RARB: variants seen among roughly 807,000 people sequenced by gnomAD.
RARB encodes retinoic acid receptor beta.
A neutral mutation model predicts 51.9 loss-of-function variants in RARB; 17 were observed. That is an observed-to-expected ratio of 0.33 (90% CI 0.22 to 0.49). The LOEUF (loss-of-function observed/expected upper bound fraction) is 0.49, where lower values mean the gene tolerates loss of function less well. Among genes scored for constraint, RARB ranks in the 20% least tolerant of loss-of-function variants. The pLI is 0.99. For synonymous variants in RARB, 215 were observed against 195.4 expected (o/e 1.10, Z -0.84); for missense variants, 369 against 550.8 (o/e 0.67, Z 3.30).
chr3:25,037,676 A>G (rs1229374872), intron 2 of RARB, among the ~76,000 whole-genome samples: 2 of 152,076 alleles, frequency 1.3e-5, no homozygotes, highest in Non-Finnish European at 2.9e-5. Context: ...AGGGAGAGAA[A>G]GCAAGCTGAA....
intron 5 of RARB, among the ~76,000 whole-genome samples, chr3:25,339,489 G>T (rs1378833038): frequency 2.6e-5 from 4 of 152,010 alleles, no homozygotes; most frequent in Non-Finnish European, 5.9e-5. Flanking sequence ...TGGCTGCGCG[G>T]GAGTCTCTGA....
At chr3:25,545,087 A>G (rs949886412) in intron 3 of RARB, among the ~76,000 whole-genome samples, 1 of 151,926 alleles carries the variant, frequency 6.6e-6, no homozygotes, top group Non-Finnish European at 1.5e-5. Flanking sequence ...TCAGCCTCCA[A>G]AGTAGCCACC....
intron 5 of RARB, among the ~76,000 whole-genome samples, chr3:25,205,202 A>G (rs770145284): frequency 3.3e-5 from 5 of 152,122 alleles, no homozygotes; most frequent in Non-Finnish European, 5.9e-5. Context: ...GCGAGGCTCC[A>G]TGGGCGTAGG....
At chr3:25,245,984 A>G (rs111668399) in intron 5 of RARB, among the ~76,000 whole-genome samples, 1 of 151,834 alleles carries the variant, frequency 6.6e-6, no homozygotes, top group African/African-American at 2.4e-5. Context: ...TCTTTTCACA[A>G]AGTCCTATAT....
chr3:25,242,461 C>G (rs1432625754), intron 5 of RARB, among the ~76,000 whole-genome samples: 2 of 152,122 alleles, frequency 1.3e-5, no homozygotes, highest in Non-Finnish European at 2.9e-5. Flanking sequence ...AATCTTTAAT[C>G]CATCTTGAGT....
At chr3:24,956,742 G>T (rs1293361782) in intron 2 of RARB, among the ~76,000 whole-genome samples, 2 of 152,210 alleles carry the variant, frequency 1.3e-5, no homozygotes, top group African/African-American at 4.8e-5. Flanking sequence ...TGTAGTGACT[G>T]ATCATGGTCA....
intron 5 of RARB, among the ~76,000 whole-genome samples, chr3:25,242,861 T>C (rs1048260202): frequency 6.6e-6 from 1 of 152,248 alleles, no homozygotes; most frequent in Non-Finnish European, 1.5e-5. Context: ...AATGGTACTT[T>C]GATGAGAATA....
intron 5 of RARB, among the ~76,000 whole-genome samples, chr3:25,205,613 G>A (rs562250880): frequency 6.6e-6 from 1 of 152,222 alleles, no homozygotes; most frequent in South Asian, 2.1e-4. Flanking sequence ...TGCTTGAGGT[G>A]ATGGACTCCC....
chr3:25,331,063 C>T (rs901835068), intron 5 of RARB, among the ~76,000 whole-genome samples: 1 of 152,132 alleles, frequency 6.6e-6, no homozygotes, highest in African/African-American at 2.4e-5. Flanking sequence ...TAGACCCCCA[C>T]ACAACAATAA....
chr3:25,017,912 A>G (rs549290923), intron 2 of RARB, among the ~76,000 whole-genome samples: 5 of 152,270 alleles, frequency 3.3e-5, no homozygotes, highest in East Asian at 1.9e-4. Flanking sequence ...ACCCTTGTGA[A>G]TAGGATTTGT....
rs557951466 is a variant in RARB at position 25,255,178 on chromosome 3, T to TC, written c.178+80608dup. On this transcript the variant is annotated intron_variant, in intron 5 of 11. Coordinates refer to the RARB transcript ENST00000383772. ...TCTACTTAGTTCTCTCATGCAGTCT[T>TC]CCCCCACCTTCACAGACACAGTAGT... Among the ~76,000 whole-genome samples the TC allele has an allele frequency of 5.3e-5, 8 of 152,214 alleles. No individual in the cohort carries two copies. The East Asian group carries it at 1.5e-3, about 29-fold the overall frequency.
At chr3:25,168,990 A>G (rs569942270) in intron 4 of RARB, among the ~76,000 whole-genome samples, 1 of 152,230 alleles carries the variant, frequency 6.6e-6, no homozygotes, top group Non-Finnish European at 1.5e-5. Flanking sequence ...AATCTGAATA[A>G]TATTGGACTT....
chr3:24,969,790 T>C (rs1325762049), intron 2 of RARB, among the ~76,000 whole-genome samples: 1 of 152,112 alleles, frequency 6.6e-6, no homozygotes, highest in African/African-American at 2.4e-5. Context: ...GTGGAGAAGA[T>C]GTTTCCTCAG....
intron 5 of RARB, among the ~76,000 whole-genome samples, chr3:25,271,531 A>G (rs73821774): frequency 1.3e-5 from 2 of 152,130 alleles, no homozygotes; most frequent in East Asian, 1.9e-4. Context: ...TGATATTGGC[A>G]TACAACTAAC....
At chr3:25,567,931 G>A (rs1700564088) in intron 3 of RARB, among the ~76,000 whole-genome samples, 1 of 152,146 alleles carries the variant, frequency 6.6e-6, no homozygotes, top group Non-Finnish European at 1.5e-5. Flanking sequence ...TGCCGCCTCT[G>A]CCACCCTGCA....
chr3:25,295,099 A>G (rs928380438), intron 5 of RARB, among the ~76,000 whole-genome samples: 1 of 152,186 alleles, frequency 6.6e-6, no homozygotes, highest in Non-Finnish European at 1.5e-5. Context: ...TAACTCTCAT[A>G]TGCTAGAGGG....
intron 1 of RARB, among the ~76,000 whole-genome samples, chr3:25,452,286 A>G (rs988359086): frequency 4.6e-5 from 7 of 152,244 alleles, no homozygotes; most frequent in African/African-American, 1.7e-4. Context: ...GTGAGAACAC[A>G]TATTATCAAA....
intron 5 of RARB, among the ~76,000 whole-genome samples, chr3:25,590,545 G>A (rs558728569): frequency 6.6e-6 from 1 of 152,244 alleles, no homozygotes; most frequent in South Asian, 2.1e-4. Flanking sequence ...TGTTGAGACA[G>A]GGTCTCACTC....
intron 1 of RARB, among the ~76,000 whole-genome samples, chr3:25,433,833 T>C (rs1708308448): frequency 1.3e-5 from 2 of 152,160 alleles, no homozygotes; most frequent in Admixed American, 1.3e-4. Flanking sequence ...CTCTGTCCCA[T>C]CCCACTCCCC....
Sources: gnomAD v4.1 joint callset for allele counts (sites outside exome capture counted in the v4.1 genomes callset) on GRCh38, gnomAD v4.1.1 for gene constraint, MANE v1.5 for transcripts, NCBI Gene and HGNC (gene_info 2026-07-23, HGNC 2026-07-21) for gene names.